GLE1: variants seen among roughly 807,000 people sequenced by gnomAD.
GLE1 encodes mRNA export factor GLE1.
GLE1 carries 78 observed loss-of-function variants against 97.3 expected under a neutral mutation model. The ratio of observed to expected loss-of-function variants is 0.80; its 90% confidence interval spans 0.67 to 0.97. The LOEUF is 0.97. Among genes scored for constraint, GLE1 ranks in the 50% least tolerant of loss-of-function variants. The pLI is 0.00. For missense variants in GLE1, 753 were observed against 857.5 expected (o/e 0.88, Z 1.52); for synonymous variants, 302 against 313.4 (o/e 0.96, Z 0.39).
chr9:128,533,886 G>A lies in GLE1; in HGVS notation c.1581G>A (p.Lys527=), dbSNP rs1278873513. The change falls in exon 11 of 16, where the codon AAG becomes AAA. Residue 527 remains lysine, a synonymous_variant. Coordinates refer to ENST00000309971, the MANE Select transcript of GLE1 (RefSeq NM_001003722.2). The stretch of plus-strand genomic sequence containing the variant: ...TCATTCTTGCTCATCTACATAAGAA[G>A]TGTCCTTACTCTGTTCCTTTCTATC... ...GDLILAHLHK[K]CPYSVPFYPT... 2 of 1,613,412 alleles carry A rather than the reference G, an allele frequency of 1.2e-6. No individual in the cohort carries two copies. Among genetic ancestry groups the A allele is most frequent in the South Asian group, 1.1e-5 (1 of 91,062 alleles).
intron 15 of GLE1, 53 bp from the exon 16 acceptor site, chr9:128,541,049 G>C: frequency 1.0e-6 from 1 of 968,754 alleles, no homozygotes. Flanking sequence ...ATTAAGTGTT[G>C]GGAACACTGT....
In GLE1 at chr9:128,540,338, G is replaced by C; in HGVS notation, c.2028G>C (p.Glu676Asp). The C allele has an allele frequency of 6.3e-7, 1 of 1,598,628 alleles. No individual in the cohort carries two copies. Among genetic ancestry groups the C allele is most frequent in the Non-Finnish European group, 8.6e-7 (1 of 1,165,902 alleles). ...GSFIRLKQFL[E>D]KCLQHKDIPV... ...TCATACGCCTCAAGCAGTTCTTGGAGGTAAGATGCCCTTAGACCAACATGC... is the reference window on the plus strand; with the variant it reads ...TCATACGCCTCAAGCAGTTCTTGGACGTAAGATGCCCTTAGACCAACATGC... The change falls in exon 15 of 16, where the codon GAG (glutamate) becomes GAC (aspartate). Residue 676 changes from glutamate to aspartate, a missense_variant and splice_region_variant. By Grantham distance (45) the Glu-to-Asp change is conservative. Coordinates refer to ENST00000309971, the MANE Select transcript of GLE1 (RefSeq NM_001003722.2).
Position 128,533,575 on chromosome 9 carries a change from T to C in GLE1, c.1375T>C (p.Ser459Pro). ...HSLLSGKPVQ[S>P]GGRSVSVTLN... ...CCTGCTCTCTGGAAAACCTGTTCAATCTGGTGGGCGCTCTGTGTCTGTCAC... is the reference window on the plus strand; with the variant it reads ...CCTGCTCTCTGGAAAACCTGTTCAACCTGGTGGGCGCTCTGTGTCTGTCAC... Residue 459 changes from serine to proline, a missense_variant, in exon 10 of 16, where the codon TCT becomes CCT. Transcript: ENST00000309971. 6.2e-7 allele frequency: 1 copy of C among 1,613,704 alleles called. No individual in the cohort carries two copies. Among genetic ancestry groups the C allele is most frequent in the Non-Finnish European group, 8.5e-7 (1 of 1,179,656 alleles).
chr9:128,530,380 T>G (rs1400107701), intron 9 of GLE1, among the ~76,000 whole-genome samples: 1 of 152,214 alleles, frequency 6.6e-6, no homozygotes, highest in African/African-American at 2.4e-5. Context: ...TAATCTTAGC[T>G]GGAAACCTGG....
intron 11 of GLE1, 25 bp downstream of exon 11, chr9:128,533,976 A>G: frequency 7.1e-7 from 1 of 1,416,400 alleles, no homozygotes; most frequent in Non-Finnish European, 1.0e-6. Flanking sequence ...CTCCCTACTC[A>G]CTATCCCTAG....
At chr9:128,534,028 C>T (rs980551496) in intron 11 of GLE1, 77 bp downstream of exon 11, 14 of 968,188 alleles carry the variant, frequency 1.4e-5, no homozygotes, top group Admixed American at 8.5e-5. Context: ...TTTGTTTTTC[C>T]CTCCTCACAG....
At position 128,533,596 on chromosome 9, in the gene GLE1, G is replaced by A. The variant is rs72756895; in HGVS notation, c.1396G>A (p.Val466Ile). ...TCAATCTGGTGGGCGCTCTGTGTCT[G>A]TCACACTTAACCCACAGGGGCTGGA... The part of the protein sequence containing the change: ...PVQSGGRSVS[V>I]TLNPQGLDFV... The change falls in exon 10 of 16, where the codon GTC becomes ATC. Residue 466 changes from valine to isoleucine, a missense_variant. Transcript: ENST00000309971. The A allele has an allele frequency of 3.4e-5, 55 of 1,614,024 alleles. No homozygotes were observed. The highest frequency in any genetic ancestry group is 4.7e-5 in the Non-Finnish European group (55 of 1,179,898).
At chr9:128,515,088 G>A (rs1417980169) in intron 2 of GLE1, among the ~76,000 whole-genome samples, 2 of 152,150 alleles carry the variant, frequency 1.3e-5, no homozygotes, top group African/African-American at 2.4e-5. Context: ...CAAAGTACTG[G>A]GATTACAGGC....
intron 3 of GLE1, among the ~76,000 whole-genome samples, chr9:128,516,341 A>T (rs1176528991): frequency 6.6e-6 from 1 of 151,296 alleles, no homozygotes; most frequent in African/African-American, 2.4e-5. Flanking sequence ...TGTTTTTGAG[A>T]TGGAGTCTTG....
intron 2 of GLE1, among the ~76,000 whole-genome samples, chr9:128,510,856 A>T (rs1377671448): frequency 2.1e-5 from 3 of 143,936 alleles, no homozygotes; most frequent in African/African-American, 5.2e-5. Flanking sequence ...TCTTTTTTAC[A>T]TAGAAAGTAT....
Position 128,533,427 on chromosome 9 carries a change from CAAAAAAAA to C in GLE1, c.1313-68_1313-61del, listed in dbSNP as rs5900802. On this transcript the variant is annotated intron_variant, in intron 9 of 15. Transcript: ENST00000309971. Reference sequence around the variant, plus strand: ...CCTGGGCAGTAGAGTGATACTGTCTCAAAAAAAAAAAAAAAAAAAAAAAAAGGAAAAGA... The same window carrying C: ...CCTGGGCAGTAGAGTGATACTGTCTCAAAAAAAAAAAAAAAAAGGAAAAGA... The C allele has an allele frequency of 2.7e-3, 1,243 of 453,396 alleles. 5 individuals carry two copies. Among genetic ancestry groups the C allele is most frequent in the African/African-American group, 0.015 (390 of 25,362 alleles). The allele number at this position is 453,396 out of a possible 1,614,324, so 28.1% of individuals were successfully genotyped here. A position where few individuals can be genotyped will look rare whatever the true frequency, so the allele number is the denominator to read the frequency against.
intron 9 of GLE1, chr9:128,528,902 AT>A (rs869296190): frequency 1.3e-5 from 2 of 152,232 alleles, no homozygotes; most frequent in African/African-American, 4.8e-5. Flanking sequence ...AAGCCTCCAG[AT>A]TATAGACTGA....
At chr9:128,511,075 A>G (rs1386959103) in intron 2 of GLE1, among the ~76,000 whole-genome samples, 1 of 150,966 alleles carries the variant, frequency 6.6e-6, no homozygotes, top group Non-Finnish European at 1.5e-5. Flanking sequence ...GTCGTGGCGC[A>G]CGCCTGTAAT....
intron 7 of GLE1, among the ~76,000 whole-genome samples, chr9:128,526,016 T>C (rs1411723956): frequency 6.6e-6 from 1 of 152,050 alleles, no homozygotes; most frequent in Non-Finnish European, 1.5e-5. Context: ...GTTGTTGTTG[T>C]TGTTGTTGTT....
chr9:128,512,995 C>T (rs941346701), intron 2 of GLE1, among the ~76,000 whole-genome samples: 10 of 152,080 alleles, frequency 6.6e-5, no homozygotes, highest in Non-Finnish European at 1.3e-4. Flanking sequence ...GGAGCCACTG[C>T]GCCTGGCCTA....
At chr9:128,520,692 CGTGTGTGT>C (rs151275204) in intron 3 of GLE1, among the ~76,000 whole-genome samples, 1 of 149,570 alleles carries the variant, frequency 6.7e-6, no homozygotes, top group Non-Finnish European at 1.5e-5. Context: ...TCACACACAT[CGTGTGTGT>C]GTGTGTGTAT....
chr9:128,541,076 T>G (rs1200787388), intron 15 of GLE1, 26 bp from the exon 16 acceptor site: 2 of 1,325,246 alleles, frequency 1.5e-6, no homozygotes, highest in Non-Finnish European at 2.2e-6. Flanking sequence ...AAACTCATTC[T>G]GTTTTCTTCA....
At chr9:128,504,697 G>A, upstream of GLE1, 1 of 809,014 alleles carries the variant, frequency 1.2e-6, no homozygotes, top group South Asian at 1.3e-5. Flanking sequence ...GCGGGGCTGT[G>A]CTGCGCGCGC....
At chr9:128,510,417 T>C (rs1388415296) in intron 2 of GLE1, among the ~76,000 whole-genome samples, 1 of 151,818 alleles carries the variant, frequency 6.6e-6, no homozygotes, top group Non-Finnish European at 1.5e-5. Context: ...TTAGTGGAGA[T>C]GGTGTTTCAC....
Sources: gnomAD v4.1 joint callset for allele counts (sites outside exome capture counted in the v4.1 genomes callset) on GRCh38, gnomAD v4.1.1 for gene constraint, MANE v1.5 for transcripts, NCBI Gene and HGNC (gene_info 2026-07-23, HGNC 2026-07-21) for gene names.